The following PPP2R2D variants were observed in gnomAD, a reference collection of about 807,000 sequenced individuals.
The protein encoded by PPP2R2D is serine/threonine-protein phosphatase 2A 55 kDa regulatory subunit B delta isoform.
PPP2R2D carries 9 observed loss-of-function variants against 31.1 expected under a neutral mutation model. The ratio of observed to expected loss-of-function variants is 0.29; its 90% CI spans 0.17 to 0.51. PPP2R2D has a LOEUF of 0.51. Among genes scored for constraint, PPP2R2D ranks in the 20% least tolerant of loss-of-function variants. The pLI is 0.98. For missense variants in PPP2R2D, 391 were observed against 465.6 expected, an observed-to-expected ratio of 0.84 and a Z score of 1.48; for synonymous variants, 179 against 172.6, an observed-to-expected ratio of 1.04 and a Z score of -0.29.
intron 2 of PPP2R2D, among the ~76,000 whole-genome samples, chr10:131,932,987 A>C (rs2036270385): frequency 1.3e-5 from 2 of 152,208 alleles, no homozygotes; most frequent in African/African-American, 2.4e-5. Flanking sequence ...TAATTATGTA[A>C]TTTTATACAC....
chr10:131,934,586 C>T (rs782720924), intron 3 of PPP2R2D, 31 bp downstream of exon 3: 1 of 767,298 alleles, frequency 1.3e-6, no homozygotes, highest in Non-Finnish European at 2.4e-6. Context: ...AAATCAAATG[C>T]AATTATTCAA....
chr10:131,903,324 G>A (rs2035531414), intron 2 of PPP2R2D, among the ~76,000 whole-genome samples: 1 of 151,908 alleles, frequency 6.6e-6, no homozygotes, highest in Admixed American at 6.6e-5. Context: ...GAAGTTAGCC[G>A]GGCGTGGTGG....
rs575430666 is a variant in PPP2R2D, at chr10:131,956,507, C to T, written c.*544C>T. On this transcript the variant is annotated 3_prime_UTR_variant, in exon 9 of 9. Transcript: ENST00000455566. Reference sequence around the variant, plus strand: ...CCGCCGCCACCCCTTCGGGTGTGAGCGCTCAATAAAAACAACACACTATAA... The same window carrying T: ...CCGCCGCCACCCCTTCGGGTGTGAGTGCTCAATAAAAACAACACACTATAA... 8.1e-6 allele frequency: 8 copies of T among 985,474 alleles called. No individual in the cohort carries two copies. The highest frequency in any genetic ancestry group is 9.6e-6 in the Non-Finnish European group (8 of 829,994). The allele number at this position is 985,474 out of a possible 1,614,324, so 61.0% of individuals were successfully genotyped here.
At chr10:131,901,383 C>A in intron 2 of PPP2R2D, 53 bp downstream of exon 2, 1 of 345,490 alleles carries the variant, frequency 2.9e-6, no homozygotes, top group East Asian at 4.3e-5. Flanking sequence ...GCTCCCAGCC[C>A]GGCCGCGCGC....
chr10:131,944,412 T>C (rs2036497567), intron 6 of PPP2R2D, among the ~76,000 whole-genome samples: 1 of 152,094 alleles, frequency 6.6e-6, no homozygotes, highest in Non-Finnish European at 1.5e-5. Flanking sequence ...CAGTTTTAAA[T>C]AGGCTACATT....
Position 131,947,383 on chromosome 10 carries a change from T to C in PPP2R2D, c.821-147T>C. 1.2e-6 allele frequency: 1 copy of C among 821,020 alleles called. No homozygotes were observed. Among genetic ancestry groups the C allele is most frequent in the Non-Finnish European group, 1.9e-6 (1 of 539,462 alleles). 50.9% of individuals were successfully genotyped at this position (821,020 alleles called of 1,614,324 possible). A position where few individuals can be genotyped will look rare whatever the true frequency, so the allele number is the denominator to read the frequency against. ...GGAAGTCACAGAAGATCAGAAAACCTAGAGAATCAGAAAGATCAGAAGACC... is the reference window on the plus strand; with the variant it reads ...GGAAGTCACAGAAGATCAGAAAACCCAGAGAATCAGAAAGATCAGAAGACC... On this transcript the variant is annotated intron_variant, in intron 7 of 8. Coordinates refer to ENST00000455566, the MANE Select transcript of PPP2R2D (RefSeq NM_018461.5). The surrounding 1 kb of genome is among the most constrained non-coding windows in gnomAD (Gnocchi z 4.3).
chr10:131,933,788 C>T (rs965984890), intron 2 of PPP2R2D, among the ~76,000 whole-genome samples: 30 of 152,214 alleles, frequency 2.0e-4, no homozygotes, highest in African/African-American at 6.7e-4. Context: ...AGGACTTTCT[C>T]ACTGCTTAGT....
chr10:131,966,654 G>T, the PPP2R2D span: 1 of 152,144 alleles, frequency 6.6e-6, no homozygotes, highest in African/African-American at 2.4e-5. Flanking sequence ...GGGCTCAAGG[G>T]ATCCTCCTGC....
intron 2 of PPP2R2D, among the ~76,000 whole-genome samples, chr10:131,933,406 G>T (rs1283396054): frequency 1.3e-5 from 2 of 152,058 alleles, no homozygotes; most frequent in Non-Finnish European, 2.9e-5. Context: ...TAAACGTACC[G>T]TGGGCCCTGG....
intron 2 of PPP2R2D, among the ~76,000 whole-genome samples, chr10:131,918,699 G>A (rs1469446947): frequency 2.0e-5 from 3 of 147,992 alleles, no homozygotes; most frequent in Admixed American, 2.0e-4. Context: ...TCACGCGGGT[G>A]GAATGACAGT....
intron 2 of PPP2R2D, among the ~76,000 whole-genome samples, chr10:131,913,058 T>G (rs1412715788): frequency 6.6e-6 from 1 of 152,242 alleles, no homozygotes. Context: ...AATCTCGCTC[T>G]GTCACCCAGG....
intron 2 of PPP2R2D, among the ~76,000 whole-genome samples, chr10:131,904,459 G>A (rs1048052476): frequency 4.6e-5 from 7 of 151,898 alleles, no homozygotes; most frequent in Non-Finnish European, 8.8e-5. Context: ...GCAGTGAGCC[G>A]AGATCGTGCC....
chr10:131,958,391 A>AGATGGAGGTGTGTGCTGATTCCTCG lies in PPP2R2D; in HGVS notation c.*2428_*2429insGATGGAGGTGTGTGCTGATTCCTCG, dbSNP rs1564830203. The AGATGGAGGTGTGTGCTGATTCCTCG allele has an allele frequency of 3.6e-5, 5 of 137,656 alleles. 1 individual carries two copies. The East Asian group carries it at 1.3e-3, about 37-fold the overall frequency. The allele number at this position is 137,656 out of a possible 1,614,324, so 8.5% of individuals were successfully genotyped here. A position where few individuals can be genotyped will look rare whatever the true frequency, so the allele number is the denominator to read the frequency against. ...AGATGAAGGTGTGTGCTGATTCCTC[A>AGATGGAGGTGTGTGCTGATTCCTCG]TGCCCCTGTGGAGATGGAGGTGTGT... On this transcript the variant is annotated 3_prime_UTR_variant, in exon 9 of 9. Transcript: ENST00000455566.
chr10:131,960,149 C>T (rs115368506), downstream of PPP2R2D, among the ~76,000 whole-genome samples: 1,044 of 152,358 alleles, frequency 6.9e-3, 13 homozygotes, highest in African/African-American at 0.024. Flanking sequence ...GGCAATTCCA[C>T]GCACCTATGT....
At chr10:131,928,558 G>A (rs2036148884) in intron 2 of PPP2R2D, among the ~76,000 whole-genome samples, 1 of 152,216 alleles carries the variant, frequency 6.6e-6, no homozygotes, top group Admixed American at 6.5e-5. Context: ...TTATCTTTAT[G>A]CTTTTCAAGA....
At chr10:131,913,985 A>G (rs968505527) in intron 2 of PPP2R2D, among the ~76,000 whole-genome samples, 1 of 152,200 alleles carries the variant, frequency 6.6e-6, no homozygotes, top group Non-Finnish European at 1.5e-5. Flanking sequence ...ATCGTGCACA[A>G]CACCTACCAC....
chr10:131,944,233 G>A lies in PPP2R2D; in HGVS notation c.655+88G>A, dbSNP rs1305610800. ...TCGTCCCTTTATACACCTGTATCTC[G>A]GAGTCTAGTCTTGTAAATACCATCA... On this transcript the variant is annotated intron_variant, in intron 6 of 8. Transcript: ENST00000455566. 27 of 1,101,936 alleles carry A rather than the reference G, an allele frequency of 2.5e-5. No individual in the cohort carries two copies. The East Asian group carries it at 2.7e-4, about 11-fold the overall frequency. 68.3% of individuals were successfully genotyped at this position (1,101,936 alleles called of 1,614,324 possible).
At chr10:131,913,785 C>T (rs2035724671) in intron 2 of PPP2R2D, among the ~76,000 whole-genome samples, 1 of 152,124 alleles carries the variant, frequency 6.6e-6, no homozygotes, top group Non-Finnish European at 1.5e-5. Context: ...GTTTAGAGCT[C>T]AGAGGCAGGG....
intron 6 of PPP2R2D, among the ~76,000 whole-genome samples, chr10:131,944,957 A>G (rs1366664389): frequency 6.6e-6 from 1 of 152,120 alleles, no homozygotes; most frequent in African/African-American, 2.4e-5. Context: ...TTTTGCACAG[A>G]TGGTACTAGC....
Sources: allele counts gnomAD v4.1 joint callset (sites outside exome capture counted in the v4.1 genomes callset), GRCh38; gene constraint gnomAD v4.1.1; non-coding constraint Gnocchi (gnomAD v3.1); transcripts MANE v1.5; gene names NCBI Gene and HGNC (gene_info 2026-07-23, HGNC 2026-07-21).